Variants in CIMIP5 observed in about 807,000 individuals in gnomAD.
The protein encoded by CIMIP5 is uncharacterized protein C2orf50.
the CIMIP5 span, chr2:11,144,003 G>A: frequency 6.2e-7 from 1 of 1,606,856 alleles, no homozygotes; most frequent in Non-Finnish European, 8.5e-7. Flanking sequence ...ACCAGGTTGT[G>A]GGCAGCAGGC....
At chr2:11,148,874 C>T in the CIMIP5 span, among the ~76,000 whole-genome samples, 3 of 151,684 alleles carry the variant, frequency 2.0e-5, no homozygotes, top group African/African-American at 7.3e-5. Flanking sequence ...GCTAGGATTA[C>T]AGGCACCCGC....
the CIMIP5 span, among the ~76,000 whole-genome samples, chr2:11,136,355 G>A: frequency 6.6e-6 from 1 of 152,206 alleles, no homozygotes; most frequent in Non-Finnish European, 1.5e-5. Flanking sequence ...CAGAATGACA[G>A]AAAATATTTA....
the CIMIP5 span, among the ~76,000 whole-genome samples, chr2:11,133,945 T>C: frequency 2.0e-5 from 3 of 152,058 alleles, no homozygotes; most frequent in Admixed American, 1.3e-4. Flanking sequence ...CCTTCATGCA[T>C]TCATTCAACC....
the CIMIP5 span, chr2:11,144,261 G>A: frequency 1.7e-6 from 1 of 576,022 alleles, no homozygotes; most frequent in South Asian, 3.8e-5. Flanking sequence ...GGGACCCAAG[G>A]GGTCACTCTT....
At chr2:11,143,581 A>T in the CIMIP5 span, among the ~76,000 whole-genome samples, 3 of 152,124 alleles carry the variant, frequency 2.0e-5, no homozygotes, top group African/African-American at 7.2e-5. Context: ...AAAAAAAAAA[A>T]AAAATCAAAA....
the CIMIP5 span, among the ~76,000 whole-genome samples, chr2:11,138,012 A>G: frequency 3.3e-5 from 5 of 152,022 alleles, no homozygotes; most frequent in Admixed American, 3.3e-4. Context: ...CGCCCGGCTA[A>G]TTTTTGTATT....
At chr2:11,138,398 C>T in the CIMIP5 span, among the ~76,000 whole-genome samples, 9 of 152,134 alleles carry the variant, frequency 5.9e-5, no homozygotes, top group South Asian at 2.1e-4. Flanking sequence ...AGAATCAAAA[C>T]GATACATATC....
At chr2:11,140,853 T>C in the CIMIP5 span, among the ~76,000 whole-genome samples, 2 of 152,168 alleles carry the variant, frequency 1.3e-5, no homozygotes, top group South Asian at 2.1e-4. Context: ...TATGTAGTCA[T>C]ATCTGTGTGG....
At chr2:11,148,424 CA>C in the CIMIP5 span, among the ~76,000 whole-genome samples, 211 of 152,022 alleles carry the variant, frequency 1.4e-3, no homozygotes, top group African/African-American at 4.6e-3. Flanking sequence ...GCCAACTTTC[CA>C]CATGATAAAA....
chr2:11,136,884 T>C, the CIMIP5 span, among the ~76,000 whole-genome samples: 1 of 152,122 alleles, frequency 6.6e-6, no homozygotes, highest in East Asian at 1.9e-4. Flanking sequence ...TTGTAACATT[T>C]ACTAGAAGGG....
chr2:11,140,684 T>A, the CIMIP5 span: 2 of 579,344 alleles, frequency 3.5e-6, no homozygotes, highest in Non-Finnish European at 5.7e-6. Context: ...AAATACACTC[T>A]TGTTTCAAGG....
At chr2:11,140,595 T>TA in the CIMIP5 span, 1 of 1,407,070 alleles carries the variant, frequency 7.1e-7, no homozygotes, top group East Asian at 2.3e-5. Context: ...AATTGAATAT[T>TA]ACTCATTCTT....
the CIMIP5 span, among the ~76,000 whole-genome samples, chr2:11,141,346 C>G: frequency 6.6e-6 from 1 of 151,950 alleles, no homozygotes; most frequent in Non-Finnish European, 1.5e-5. Context: ...CCAGGCTGGT[C>G]TCGAACTCCT....
At chr2:11,140,577 A>T in the CIMIP5 span, 51 of 1,515,932 alleles carry the variant, frequency 3.4e-5, no homozygotes, top group Middle Eastern at 1.7e-4. Context: ...CCTGCCAAAC[A>T]TACTTGCAAT....
At chr2:11,144,159 A>G in the CIMIP5 span, 1 of 1,482,414 alleles carries the variant, frequency 6.7e-7, no homozygotes, top group Non-Finnish European at 9.0e-7. Flanking sequence ...GTGGGTGGGG[A>G]CAAGAGACCC....
the CIMIP5 span, among the ~76,000 whole-genome samples, chr2:11,147,113 A>G: frequency 6.6e-6 from 1 of 152,162 alleles, no homozygotes; most frequent in Admixed American, 6.5e-5. Context: ...AGACAATGCA[A>G]CCTATAAGCA....
the CIMIP5 span, among the ~76,000 whole-genome samples, chr2:11,139,629 G>A: frequency 6.6e-6 from 1 of 152,176 alleles, no homozygotes; most frequent in Non-Finnish European, 1.5e-5. Context: ...GAAATGCACA[G>A]AGGCAGGGCG....
At chr2:11,149,882 A>T in the CIMIP5 span, among the ~76,000 whole-genome samples, 1 of 152,202 alleles carries the variant, frequency 6.6e-6, no homozygotes, top group Admixed American at 6.5e-5. Flanking sequence ...ACACCATTGT[A>T]TCAGTGAGAA....
the CIMIP5 span, among the ~76,000 whole-genome samples, chr2:11,134,335 C>T: frequency 5.3e-5 from 8 of 152,348 alleles, no homozygotes; most frequent in South Asian, 1.7e-3. Context: ...AGTCTGGATG[C>T]ATTTTTTCCA....
Sources: gnomAD v4.1 joint callset for allele counts (sites outside exome capture counted in the v4.1 genomes callset) on GRCh38, gnomAD v4.1.1 for gene constraint, MANE v1.5 for transcripts, NCBI Gene and HGNC (gene_info 2026-07-23, HGNC 2026-07-21) for gene names.